The following CNIH4 variants were observed in gnomAD, a reference collection of about 807,000 sequenced individuals.
CNIH4 encodes cornichon family member 4, also known as protein cornichon homolog 4.
A neutral mutation model predicts 21.5 loss-of-function variants in CNIH4; 9 were observed. The observed-to-expected ratio is 0.42, with a 90% CI of 0.25 to 0.73. CNIH4 has a LOEUF of 0.73. Ranked by LOEUF, CNIH4 falls within the 30% of genes least tolerant of loss-of-function variation. CNIH4 has a pLI of 0.27. For missense variants in CNIH4, 159 were observed against 170.0 expected (o/e 0.94, Z 0.36); for synonymous variants, 67 against 59.1 (o/e 1.13, Z -0.61).
At chr1:224,372,010 T>C (rs1672645762) in intron 4 of CNIH4, among the ~76,000 whole-genome samples, 1 of 152,192 alleles carries the variant, frequency 6.6e-6, no homozygotes, top group African/African-American at 2.4e-5. Flanking sequence ...CATTAATATA[T>C]GTGCCTCAGC....
At chr1:224,357,947 T>C (rs1672165725) in intron 1 of CNIH4, among the ~76,000 whole-genome samples, 2 of 152,230 alleles carry the variant, frequency 1.3e-5, no homozygotes, top group African/African-American at 4.8e-5. Context: ...AAAAAACGTA[T>C]GAGGAACTCC....
intron 2 of CNIH4, among the ~76,000 whole-genome samples, chr1:224,361,628 G>A (rs183185938): frequency 1.4e-4 from 21 of 152,208 alleles, no homozygotes; most frequent in Non-Finnish European, 2.6e-4. Flanking sequence ...TGTTGCCCAG[G>A]CTGGAGTGCA....
At chr1:224,364,353 A>C (rs1672388241) in intron 2 of CNIH4, 1 of 985,446 alleles carries the variant, frequency 1.0e-6, no homozygotes. Context: ...TCTGATATGG[A>C]TCGCAGAGTA....
At chr1:224,373,742 C>T (rs1202103801) in intron 4 of CNIH4, among the ~76,000 whole-genome samples, 1 of 151,868 alleles carries the variant, frequency 6.6e-6, no homozygotes, top group African/African-American at 2.4e-5. Flanking sequence ...GCAGGAGAAT[C>T]GCTTGAACCC....
At chr1:224,360,033 G>A (rs1043037740) in intron 1 of CNIH4, among the ~76,000 whole-genome samples, 7 of 152,086 alleles carry the variant, frequency 4.6e-5, no homozygotes, top group Non-Finnish European at 1.0e-4. Flanking sequence ...CTACTTGGAA[G>A]GCTGAGGCAC....
chr1:224,358,104 G>A (rs1672170323), intron 1 of CNIH4, among the ~76,000 whole-genome samples: 2 of 152,272 alleles, frequency 1.3e-5, no homozygotes, highest in South Asian at 4.1e-4. Context: ...CTGGCATCCT[G>A]TTGTAGTGGA....
Position 224,371,422 on chromosome 1 carries a change from A to T in CNIH4, c.391A>T (p.Ser131Cys), listed in dbSNP as rs761434887. ...HLLCFFMYLY[S>C]MILALIND Reference sequence around the variant, plus strand: ...GCTCTGCTTCTTCATGTATCTTTATAGGTGAGTTTAAAGTCCTGGTATTTT... The same window carrying T: ...GCTCTGCTTCTTCATGTATCTTTATTGGTGAGTTTAAAGTCCTGGTATTTT... Residue 131 changes from serine to cysteine, a missense_variant and splice_region_variant, in exon 4 of 5, where the codon AGT becomes TGT. Ser to Cys is a moderately radical substitution (Grantham distance 112). Transcript: ENST00000465271. The T allele has an allele frequency of 3.1e-6, 5 of 1,612,948 alleles. No homozygotes were observed. The highest frequency in any genetic ancestry group is 4.2e-6 in the Non-Finnish European group (5 of 1,179,580).
rs945160241 is a variant in CNIH4, at chr1:224,378,949, C to T, written c.*3127C>T. On this transcript the variant is annotated 3_prime_UTR_variant, in exon 5 of 5. Coordinates refer to ENST00000465271, the MANE Select transcript of CNIH4 (RefSeq NM_014184.4). Reference sequence around the variant, plus strand: ...GTGTTCTCTCTCCCTTACCACTCCTCTTCCCCTTCCCTCTATAATGGCAGT... The same window carrying T: ...GTGTTCTCTCTCCCTTACCACTCCTTTTCCCCTTCCCTCTATAATGGCAGT... 5 of 945,280 alleles carry T rather than the reference C, an allele frequency of 5.3e-6. No individual in the cohort carries two copies. The African/African-American group carries it at 8.1e-5, about 15-fold the overall frequency. 58.6% of individuals were successfully genotyped at this position (945,280 alleles called of 1,614,324 possible). A position where few individuals can be genotyped will look rare whatever the true frequency, so the allele number is the denominator to read the frequency against.
Position 224,369,698 on chromosome 1 carries a change from C to T in CNIH4, c.252-1585C>T, listed in dbSNP as rs1329571616. On this transcript the variant is annotated intron_variant, in intron 3 of 4. Coordinates refer to ENST00000465271, the MANE Select transcript of CNIH4 (RefSeq NM_014184.4). ...TGATTTTTTTTTTTTTTTTTTGAGA[C>T]GGAGGTTTGCTCTTGTTGCCCAGGC... Among the ~76,000 whole-genome samples the T allele has an allele frequency of 2.9e-4, 37 of 126,880 alleles. No homozygotes were observed. In the East Asian group the frequency reaches 2.9e-3, roughly 10 times the overall value. The allele number at this position is 126,880 out of a possible 152,430, so 83.2% of individuals were successfully genotyped here.
chr1:224,371,556 G>C (rs905127993), intron 4 of CNIH4, 133 bp downstream of exon 4: 22 of 843,202 alleles, frequency 2.6e-5, no homozygotes, highest in African/African-American at 1.7e-4. Context: ...TGGCTGTGTA[G>C]ATTATTTATG....
intron 2 of CNIH4, among the ~76,000 whole-genome samples, chr1:224,365,216 A>G (rs1357362234): frequency 1.3e-5 from 2 of 152,176 alleles, no homozygotes; most frequent in African/African-American, 4.8e-5. Flanking sequence ...ATCTGTACTC[A>G]TAGGAAAGGA....
intron 1 of CNIH4, 183 bp downstream of exon 1, chr1:224,357,176 C>T (rs898131114): frequency 3.2e-6 from 2 of 631,578 alleles, no homozygotes; most frequent in Non-Finnish European, 5.4e-6. Context: ...GCTGGCTGCC[C>T]TACCCGACGG....
At chr1:224,375,763 A>G (rs892868255) in intron 4 of CNIH4, 32 bp from the exon 5 acceptor site, 5 of 1,613,514 alleles carry the variant, frequency 3.1e-6, no homozygotes, top group Non-Finnish European at 4.2e-6. Context: ...TCCTGAGAAA[A>G]CATTAGTGAC....
At position 224,376,098 on chromosome 1, in the gene CNIH4, C is replaced by T. The variant is rs113950274; in HGVS notation, c.*276C>T. ...GAAGGTGGTTATTTGTATGTAGGAA[C>T]AGGACTGCCATCCCAGCTTTGCATG... On this transcript the variant is annotated 3_prime_UTR_variant, in exon 5 of 5. Coordinates refer to ENST00000465271, the MANE Select transcript of CNIH4 (RefSeq NM_014184.4). 304 of 1,152,692 alleles carry T rather than the reference C, an allele frequency of 2.6e-4. No homozygotes were observed. In the African/African-American group the frequency reaches 4.5e-3, roughly 17 times the overall value. The allele number at this position is 1,152,692 out of a possible 1,614,324, so 71.4% of individuals were successfully genotyped here.
intron 4 of CNIH4, among the ~76,000 whole-genome samples, chr1:224,373,679 T>C (rs1000728900): frequency 3.3e-5 from 5 of 151,808 alleles, no homozygotes; most frequent in African/African-American, 7.3e-5. Context: ...TATACAAAAA[T>C]TGGCCAGGTG....
intron 3 of CNIH4, among the ~76,000 whole-genome samples, chr1:224,370,933 A>G (rs1181491778): frequency 6.7e-6 from 1 of 150,186 alleles, no homozygotes; most frequent in African/African-American, 2.5e-5. Context: ...CTGGGGCTCA[A>G]TGGCACGATC....
chr1:224,357,141 G>C, intron 1 of CNIH4, 148 bp downstream of exon 1: 1 of 844,258 alleles, frequency 1.2e-6, no homozygotes, highest in South Asian at 1.6e-5. Flanking sequence ...GGGCGGTGGC[G>C]CGGGCCCCGG....
chr1:224,359,825 A>T (rs1360234317), intron 1 of CNIH4, among the ~76,000 whole-genome samples: 1 of 152,168 alleles, frequency 6.6e-6, no homozygotes, highest in African/African-American at 2.4e-5. Context: ...CAGTACTGCT[A>T]CTAATAGCTA....
At chr1:224,363,976 C>A in intron 2 of CNIH4, 1 of 808,438 alleles carries the variant, frequency 1.2e-6, no homozygotes, top group Non-Finnish European at 1.5e-6. Context: ...GAGTCTAGTG[C>A]CAGTGTACTG....
Sources: gnomAD v4.1 joint callset for allele counts (sites outside exome capture counted in the v4.1 genomes callset) on GRCh38, gnomAD v4.1.1 for gene constraint, MANE v1.5 for transcripts, NCBI Gene and HGNC (gene_info 2026-07-23, HGNC 2026-07-21) for gene names.